Variants in LAMC1 observed in about 807,000 individuals in gnomAD.
LAMC1 encodes the protein laminin subunit gamma-1.
A neutral mutation model predicts 173.6 loss-of-function variants in LAMC1; 38 were observed. The ratio of observed to expected loss-of-function variants is 0.22; its 90% CI spans 0.17 to 0.29. The LOEUF (loss-of-function observed/expected upper bound fraction) is 0.29, where lower values mean the gene tolerates loss of function less well. Ranked by LOEUF, LAMC1 falls within the 10% of genes least tolerant of loss-of-function variation. The pLI, the probability that LAMC1 is intolerant of heterozygous loss-of-function variation, is 1.00. For synonymous variants in LAMC1, 746 were observed against 749.1 expected, an observed-to-expected ratio of 1.00 and a Z score of 0.07; for missense variants, 1,824 against 2,051.8, an observed-to-expected ratio of 0.89 and a Z score of 2.14.
rs757888690 is a variant in LAMC1, at chr1:183,117,659, T to C, written c.1813T>C (p.Ser605Pro). Reference protein sequence around the residue: ...LVLEGAGLRVSVPLIAQGNSY... With the variant: ...LVLEGAGLRVPVPLIAQGNSY... ...GCTTGAGGGAGCTGGCTTAAGAGTA[T>C]CTGTACCCTTGATCGCTCAGGGCAA... is the stretch of plus-strand genomic sequence containing the variant. Residue 605 changes from serine (S) to proline (P), a missense_variant, in exon 10 of 28, where the codon TCT becomes CCT. Ser to Pro is a moderately conservative substitution (Grantham distance 74, BLOSUM62 -1). Transcript: ENST00000258341. The C allele has an allele frequency of 5.0e-6, 8 of 1,614,106 alleles. No individual in the cohort carries two copies. In the East Asian group the frequency reaches 1.3e-4, roughly 27 times the overall value.
rs55642592 is a variant in LAMC1, at chr1:183,120,167, C to CAAAAAA, written c.1991-1538_1991-1533dup. On this transcript the variant is annotated intron_variant, in intron 11 of 27. Transcript: ENST00000258341. ...CTGAGTTTACAGAGTGGATCTATCTCAAAAAAAAAAAAAAAAAAAAAAAGG... is the reference window on the plus strand; with the variant it reads ...CTGAGTTTACAGAGTGGATCTATCTCAAAAAAAAAAAAAAAAAAAAAAAAAAAAAGG... 2.2e-3 allele frequency among the ~76,000 whole-genome samples: 142 copies of CAAAAAA among 64,702 alleles called. 2 individuals are homozygous for CAAAAAA. The highest frequency in any genetic ancestry group is 4.5e-3 in the African/African-American group (76 of 17,076). The allele number at this position is 64,702 out of a possible 152,430, so 42.4% of individuals were successfully genotyped here. A position where few individuals can be genotyped will look rare whatever the true frequency, so the allele number is the denominator to read the frequency against.
chr1:183,058,446 T>C (rs939429959), intron 1 of LAMC1, among the ~76,000 whole-genome samples: 3 of 152,218 alleles, frequency 2.0e-5, no homozygotes, highest in South Asian at 2.1e-4. Flanking sequence ...TAGACAGTTA[T>C]TTGATAATAG....
intron 1 of LAMC1, among the ~76,000 whole-genome samples, chr1:183,071,217 G>A (rs1655004357): frequency 6.6e-6 from 1 of 151,888 alleles, no homozygotes; most frequent in Non-Finnish European, 1.5e-5. Flanking sequence ...GATGCAGAAA[G>A]GAAGACAATG....
At chr1:183,056,521 A>AT (rs1303538567) in intron 1 of LAMC1, among the ~76,000 whole-genome samples, 2 of 150,938 alleles carry the variant, frequency 1.3e-5, no homozygotes, top group Non-Finnish European at 3.0e-5. Flanking sequence ...GAGTTCTTCC[A>AT]CCCTCCTCCC....
chr1:183,120,075 C>T (rs1227337126), intron 11 of LAMC1, among the ~76,000 whole-genome samples: 2 of 145,754 alleles, frequency 1.4e-5, no homozygotes, highest in African/African-American at 2.5e-5. Context: ...AGGCTGAGGG[C>T]AGGAGGATGC....
chr1:183,101,465 T>C (rs1168347617), intron 1 of LAMC1, among the ~76,000 whole-genome samples: 1 of 151,310 alleles, frequency 6.6e-6, no homozygotes, highest in Non-Finnish European at 1.5e-5. Flanking sequence ...AATATTCATG[T>C]TTGTATAGTA....
chr1:183,050,383 G>A (rs191592164), intron 1 of LAMC1, among the ~76,000 whole-genome samples: 3,577 of 146,690 alleles, frequency 0.024, 141 homozygotes, highest in African/African-American at 0.084. Flanking sequence ...CCAGGTTCAC[G>A]CCATTCTCCT....
Position 183,023,969 on chromosome 1 carries a change from G to T in LAMC1, c.253G>T (p.Val85Phe). 1 of 1,613,258 alleles carries T rather than the reference G, an allele frequency of 6.2e-7. No individual in the cohort carries two copies. The highest frequency in any genetic ancestry group is 8.5e-7 in the Non-Finnish European group (1 of 1,179,946). Residue 85 changes from valine (V) to phenylalanine (F), a missense_variant, in exon 1 of 28, where the codon GTC becomes TTC. By Grantham distance (50) the Val-to-Phe change is conservative. Transcript: ENST00000258341. The part of the protein sequence containing the change: ...EYCVQTGVTG[V>F]TKSCHLCDAG... ...CTGTGTGCAGACCGGGGTGACCGGG[G>T]TCACCAAGTCCTGTCACCTGTGCGA... is the stretch of plus-strand genomic sequence containing the variant.
At chr1:183,131,427 G>A in intron 20 of LAMC1, 49 bp downstream of exon 20, 1 of 1,084,928 alleles carries the variant, frequency 9.2e-7, no homozygotes, top group Non-Finnish European at 1.4e-6. Context: ...TTCTGTTATG[G>A]GGTGTGTGTG....
At chr1:183,067,603 C>T (rs1654907821) in intron 1 of LAMC1, among the ~76,000 whole-genome samples, 1 of 152,108 alleles carries the variant, frequency 6.6e-6, no homozygotes, top group Admixed American at 6.5e-5. Flanking sequence ...ATTCTCCTGC[C>T]TCAGCCTCCT....
chr1:183,031,211 A>G (rs1446124041), intron 1 of LAMC1, among the ~76,000 whole-genome samples: 3 of 152,242 alleles, frequency 2.0e-5, no homozygotes, highest in Non-Finnish European at 4.4e-5. Flanking sequence ...AGAGTACGGT[A>G]TAGCCCAGTG....
At position 183,117,335 on chromosome 1, in the gene LAMC1, G is replaced by T. The variant is rs148393996; in HGVS notation, c.1580G>T (p.Arg527Leu). Reference protein sequence around the residue: ...STFQIDEDGWRAEQRDGSEAS... With the variant: ...STFQIDEDGWLAEQRDGSEAS... ...CTACCTGCAGATGAGGATGGGTGGC[G>T]TGCGGAACAGAGAGATGGCTCTGAA... is the stretch of plus-strand genomic sequence containing the variant. Residue 527 changes from arginine to leucine, a missense_variant, in exon 9 of 28, where the codon CGT becomes CTT. Transcript: ENST00000258341. 1.2e-4 allele frequency: 196 copies of T among 1,608,952 alleles called. 1 individual carries two copies. In the African/African-American group the frequency reaches 2.1e-3, roughly 18 times the overall value.
At chr1:183,119,244 T>C (rs1656405097) in intron 11 of LAMC1, among the ~76,000 whole-genome samples, 1 of 152,146 alleles carries the variant, frequency 6.6e-6, no homozygotes, top group South Asian at 2.1e-4. Flanking sequence ...CCTTTTTCTC[T>C]AGCAAGGTAC....
chr1:183,073,102 G>T (rs1056535374), intron 1 of LAMC1, among the ~76,000 whole-genome samples: 9 of 152,266 alleles, frequency 5.9e-5, no homozygotes, highest in African/African-American at 2.2e-4. Context: ...TTAAAGGACA[G>T]AGTCAGCTGG....
At chr1:183,135,002 G>T (rs368809858) in intron 23 of LAMC1, 40 bp from the exon 24 acceptor site, 4 of 1,520,220 alleles carry the variant, frequency 2.6e-6, no homozygotes, top group Non-Finnish European at 3.7e-6. Flanking sequence ...GAAGGGATTT[G>T]CTTTGAGGGT....
chr1:183,080,328 G>A (rs1655237861), intron 1 of LAMC1, among the ~76,000 whole-genome samples: 1 of 152,194 alleles, frequency 6.6e-6, no homozygotes, highest in African/African-American at 2.4e-5. Context: ...TTTCTAGGCT[G>A]TGTCCTTCAT....
chr1:183,039,380 GATT>G (rs1455283219), intron 1 of LAMC1, among the ~76,000 whole-genome samples: 5 of 152,160 alleles, frequency 3.3e-5, no homozygotes, highest in African/African-American at 1.2e-4. Flanking sequence ...CAGTGTCTTG[GATT>G]AACTTTCGGA....
chr1:183,034,356 C>T (rs1244677508), intron 1 of LAMC1, among the ~76,000 whole-genome samples: 9 of 152,108 alleles, frequency 5.9e-5, no homozygotes, highest in Non-Finnish European at 1.2e-4. Flanking sequence ...CTGCAACCTC[C>T]GCCTCCCGGG....
At position 183,024,108 on chromosome 1, in the gene LAMC1, G is replaced by C. The variant is rs1481402661; in HGVS notation, c.392G>C (p.Ser131Thr). The change falls in exon 1 of 28, where the codon AGC becomes ACC. Residue 131 changes from serine (S) to threonine (T), a missense_variant. Coordinates refer to ENST00000258341, the MANE Select transcript of LAMC1 (RefSeq NM_002293.4). ...ATGCTGGCCGGGGTGCAGTACCCCA[G>C]CTCCATCAACCTCACGCTGCACCTG... ...QTMLAGVQYP[S>T]SINLTLHLGK... 2 of 1,601,226 alleles carry C rather than the reference G, an allele frequency of 1.2e-6. No individual in the cohort carries two copies. Among genetic ancestry groups the C allele is most frequent in the South Asian group, 2.2e-5 (2 of 89,150 alleles).
Sources: allele counts gnomAD v4.1 joint callset (sites outside exome capture counted in the v4.1 genomes callset), GRCh38; gene constraint gnomAD v4.1.1; transcripts MANE v1.5; gene names NCBI Gene and HGNC (gene_info 2026-07-23, HGNC 2026-07-21).